The following FBXL13 variants were observed in gnomAD, a reference collection of about 807,000 sequenced individuals.
FBXL13 encodes the protein F-box and leucine rich repeat protein 13.
A neutral mutation model predicts 83.6 loss-of-function variants in FBXL13; 67 were observed. That is an observed-to-expected ratio of 0.80 (90% CI 0.66 to 0.98). The LOEUF is 0.98. Ranked by LOEUF, FBXL13 falls within the 50% of genes least tolerant of loss-of-function variation. The probability of loss-of-function intolerance (pLI) is 0.00; values close to 1 mark genes in which losing one functional copy is unlikely to be tolerated. For missense variants in FBXL13, 822 were observed against 866.5 expected, an observed-to-expected ratio of 0.95 and a Z score of 0.64; for synonymous variants, 272 against 299.5, an observed-to-expected ratio of 0.91 and a Z score of 0.95.
intron 8 of FBXL13, chr7:102,942,372 A>C: frequency 6.7e-7 from 1 of 1,499,718 alleles, no homozygotes; most frequent in South Asian, 1.3e-5. Context: ...GGGAGTTGCC[A>C]GACTTTAAAA....
intron 3 of FBXL13, 149 bp from the exon 5 acceptor site, chr7:103,028,897 C>T: frequency 1.9e-6 from 1 of 525,478 alleles, no homozygotes; most frequent in Non-Finnish European, 3.1e-6. Context: ...TGGGTATGAC[C>T]TGAAGAATTC....
chr7:102,903,939 CT>C (rs1166655004), intron 11 of FBXL13, among the ~76,000 whole-genome samples: 102 of 43,462 alleles, frequency 2.3e-3, no homozygotes, highest in East Asian at 6.6e-3. Flanking sequence ...CTTTTCTTTT[CT>C]TTTTTTTTTT....
intron 1 of FBXL13, among the ~76,000 whole-genome samples, chr7:103,066,040 C>G (rs1381827519): frequency 2.6e-5 from 4 of 152,234 alleles, no homozygotes; most frequent in African/African-American, 4.8e-5. Flanking sequence ...ACTGACAAGG[C>G]TTAACAACAT....
chr7:102,832,830 C>A lies in FBXL13; in HGVS notation c.1854+10G>T. ...ATTGGATGTGTTTGAGCCCTGACTCCTGCACATACCTTTGGACAGCCAGCA... is the reference window on the plus strand; with the variant it reads ...ATTGGATGTGTTTGAGCCCTGACTCATGCACATACCTTTGGACAGCCAGCA... On this transcript the variant is annotated intron_variant, in intron 18 of 19. Transcript: ENST00000313221. The A allele has an allele frequency of 6.2e-7, 1 of 1,614,108 alleles. No individual in the cohort carries two copies. Among genetic ancestry groups the A allele is most frequent in the Non-Finnish European group, 8.5e-7 (1 of 1,179,996 alleles).
rs377412326 is a variant in FBXL13 at position 102,967,951 on chromosome 7, G to C, written c.591+71C>G. On this transcript the variant is annotated intron_variant, in intron 7 of 19. Coordinates refer to ENST00000313221, the Ensembl canonical transcript of FBXL13. ...CATGGAAGAAGGTGTCCCCACAACA[G>C]CTGGCTTCACAGCAGTCCATTCTCC... 8.1e-4 allele frequency: 948 copies of C among 1,168,246 alleles called. 3 individuals are homozygous for C. The highest frequency in any genetic ancestry group is 6.7e-3 in the South Asian group (510 of 76,070). The allele number at this position is 1,168,246 out of a possible 1,614,324, so 72.4% of individuals were successfully genotyped here. A position where few individuals can be genotyped will look rare whatever the true frequency, so the allele number is the denominator to read the frequency against.
At chr7:102,940,297 C>T (rs1821163108) in intron 8 of FBXL13, among the ~76,000 whole-genome samples, 2 of 151,620 alleles carry the variant, frequency 1.3e-5, no homozygotes. Flanking sequence ...GCAAGCTCCG[C>T]CTCCCAGGTT....
intron 11 of FBXL13, among the ~76,000 whole-genome samples, chr7:102,905,708 G>A (rs1053876446): frequency 5.3e-5 from 8 of 151,806 alleles, no homozygotes; most frequent in African/African-American, 1.7e-4. Flanking sequence ...TTTCCTTCCT[G>A]TCTTCTTCAA....
chr7:102,905,067 G>T (rs1813545511), intron 11 of FBXL13, among the ~76,000 whole-genome samples: 1 of 151,516 alleles, frequency 6.6e-6, no homozygotes, highest in Non-Finnish European at 1.5e-5. Context: ...ATGTCCTGAG[G>T]AAAAGAATGT....
chr7:103,038,261 G>A (rs183958896), intron 2 of FBXL13, among the ~76,000 whole-genome samples: 1,674 of 152,288 alleles, frequency 0.011, 35 homozygotes, highest in African/African-American at 0.039. Context: ...AGGGGCATCT[G>A]CCATTGCTGA....
intron 11 of FBXL13, among the ~76,000 whole-genome samples, chr7:102,904,091 T>C (rs1813384557): frequency 6.6e-6 from 1 of 151,880 alleles, no homozygotes; most frequent in African/African-American, 2.4e-5. Flanking sequence ...CTTTAAATGT[T>C]TGGTAGAATT....
intron 11 of FBXL13, among the ~76,000 whole-genome samples, chr7:102,898,395 C>G (rs1248057950): frequency 2.0e-5 from 3 of 152,104 alleles, no homozygotes; most frequent in Non-Finnish European, 4.4e-5. Context: ...GGCTGCAGTG[C>G]AGTGGCGCAA....
chr7:102,959,519 A>G (rs1305389121), intron 8 of FBXL13, among the ~76,000 whole-genome samples: 1 of 152,018 alleles, frequency 6.6e-6, no homozygotes, highest in Non-Finnish European at 1.5e-5. Flanking sequence ...ATGGTATTAG[A>G]TTTTATATAT....
At chr7:102,815,672 T>C (rs1015927437) in intron 19 of FBXL13, among the ~76,000 whole-genome samples, 2 of 151,704 alleles carry the variant, frequency 1.3e-5, no homozygotes, top group African/African-American at 4.8e-5. Context: ...TTTTAGGGAG[T>C]AAAAGATTTG....
chr7:102,945,123 T>A (rs1822244863), intron 8 of FBXL13, among the ~76,000 whole-genome samples: 1 of 152,220 alleles, frequency 6.6e-6, no homozygotes, highest in Admixed American at 6.5e-5. Context: ...GAGGTCCTGA[T>A]ACATCCAAAT....
intron 2 of FBXL13, among the ~76,000 whole-genome samples, chr7:103,030,424 G>A (rs1010119559): frequency 6.6e-6 from 1 of 152,106 alleles, no homozygotes; most frequent in African/African-American, 2.4e-5. Context: ...GATTTTTATA[G>A]AAGAAAGGAA....
intron 18 of FBXL13, among the ~76,000 whole-genome samples, chr7:102,829,406 C>T (rs1800264892): frequency 6.6e-6 from 1 of 152,222 alleles, no homozygotes; most frequent in African/African-American, 2.4e-5. Context: ...AAGCACTGGC[C>T]TGCTTTCGCT....
chr7:102,964,867 C>T (rs1185963528), intron 7 of FBXL13, among the ~76,000 whole-genome samples: 1 of 152,126 alleles, frequency 6.6e-6, no homozygotes, highest in Non-Finnish European at 1.5e-5. Flanking sequence ...AAATGTCTTT[C>T]GATAGGAGAC....
chr7:103,052,351 G>A (rs1385090630), intron 2 of FBXL13, among the ~76,000 whole-genome samples: 1 of 152,110 alleles, frequency 6.6e-6, no homozygotes, highest in East Asian at 1.9e-4. Flanking sequence ...AGCCTCCTAA[G>A]TAGATGGGAG....
At chr7:102,842,376 T>A (rs1267862536) in intron 17 of FBXL13, among the ~76,000 whole-genome samples, 1 of 152,180 alleles carries the variant, frequency 6.6e-6, no homozygotes, top group Non-Finnish European at 1.5e-5. Flanking sequence ...AAAAAAATGT[T>A]GCTACATGGA....
Sources: gnomAD v4.1 joint callset for allele counts (sites outside exome capture counted in the v4.1 genomes callset) on GRCh38, gnomAD v4.1.1 for gene constraint, MANE v1.5 for transcripts, NCBI Gene and HGNC (gene_info 2026-07-23, HGNC 2026-07-21) for gene names.